Variants in AKAP19 observed in about 807,000 individuals in gnomAD.
AKAP19 encodes small A-kinase anchoring protein.
At chr2:189,944,197 G>A in the AKAP19 span, among the ~76,000 whole-genome samples, 4 of 152,286 alleles carry the variant, frequency 2.6e-5, no homozygotes, top group East Asian at 1.9e-4. Context: ...CAATGCTGGA[G>A]CGGGGGCCTG....
chr2:190,086,477 A>G, the AKAP19 span, among the ~76,000 whole-genome samples: 1 of 152,242 alleles, frequency 6.6e-6, no homozygotes, highest in African/African-American at 2.4e-5. Context: ...CTCAAGGAAG[A>G]TGGGGAAAGA....
chr2:190,192,049 C>T, the AKAP19 span, among the ~76,000 whole-genome samples: 137 of 151,860 alleles, frequency 9.0e-4, no homozygotes, highest in African/African-American at 3.2e-3. Flanking sequence ...AACCCAAGAT[C>T]GCAAATGTTT....
chr2:189,888,441 T>C, the AKAP19 span, among the ~76,000 whole-genome samples: 14 of 152,186 alleles, frequency 9.2e-5, no homozygotes, highest in South Asian at 2.1e-4. Context: ...CAGGCTCTTT[T>C]TTGAAATTTA....
chr2:189,890,306 G>A, the AKAP19 span, among the ~76,000 whole-genome samples: 33 of 152,212 alleles, frequency 2.2e-4, no homozygotes, highest in Middle Eastern at 3.4e-3. Flanking sequence ...TATTATTTCT[G>A]TTCTTTTGCA....
At chr2:190,033,233 T>A in the AKAP19 span, among the ~76,000 whole-genome samples, 3 of 152,190 alleles carry the variant, frequency 2.0e-5, no homozygotes, top group Non-Finnish European at 4.4e-5. Flanking sequence ...TTATATATAC[T>A]CTAGTGTCTC....
chr2:190,034,404 TG>T, the AKAP19 span, among the ~76,000 whole-genome samples: 1 of 151,568 alleles, frequency 6.6e-6, no homozygotes, highest in Non-Finnish European at 1.5e-5. Flanking sequence ...GTATATATGT[TG>T]AAAAATAGCT....
At chr2:189,938,812 C>T in the AKAP19 span, among the ~76,000 whole-genome samples, 1 of 152,138 alleles carries the variant, frequency 6.6e-6, no homozygotes, top group Non-Finnish European at 1.5e-5. Context: ...TGTATCAAAA[C>T]ATCTCGTGTA....
the AKAP19 span, among the ~76,000 whole-genome samples, chr2:189,963,106 AC>A: frequency 6.6e-6 from 1 of 151,738 alleles, no homozygotes; most frequent in Non-Finnish European, 1.5e-5. Flanking sequence ...TCAAGTACCC[AC>A]TTTTTTGCTC....
At chr2:190,026,788 CACTGGCAT>C in the AKAP19 span, among the ~76,000 whole-genome samples, 1 of 152,090 alleles carries the variant, frequency 6.6e-6, no homozygotes, top group Admixed American at 6.6e-5. Context: ...GTATTGGGCA[CACTGGCAT>C]ACTGTTGTAC....
chr2:190,060,613 T>C, the AKAP19 span, among the ~76,000 whole-genome samples: 1 of 152,058 alleles, frequency 6.6e-6, no homozygotes, highest in South Asian at 2.1e-4. Context: ...ATAATTACCC[T>C]AGCTTTTCAG....
the AKAP19 span, chr2:190,079,878 T>C: frequency 6.7e-6 from 1 of 148,370 alleles, no homozygotes; most frequent in African/African-American, 2.6e-5. Context: ...TGTGTGTGTG[T>C]GTGTGTGTGT....
chr2:189,895,049 A>C, the AKAP19 span, among the ~76,000 whole-genome samples: 1 of 152,228 alleles, frequency 6.6e-6, no homozygotes, highest in East Asian at 1.9e-4. Context: ...AAAAACAAAA[A>C]AGTGACTTGA....
chr2:190,010,290 G>T, the AKAP19 span, among the ~76,000 whole-genome samples: 1 of 152,342 alleles, frequency 6.6e-6, no homozygotes, highest in Admixed American at 6.5e-5. Context: ...AAAACAATTT[G>T]TGGAATTTAT....
chr2:189,982,332 A>C, the AKAP19 span, among the ~76,000 whole-genome samples: 2 of 151,930 alleles, frequency 1.3e-5, no homozygotes, highest in African/African-American at 2.4e-5. Context: ...CTATTAGTGA[A>C]TTTTTCAATT....
chr2:190,038,283 T>C, the AKAP19 span, among the ~76,000 whole-genome samples: 9 of 152,258 alleles, frequency 5.9e-5, no homozygotes, highest in Admixed American at 2.6e-4. Context: ...CATCTAAACT[T>C]AGCAGCCAGT....
At chr2:190,012,446 CT>C in the AKAP19 span, among the ~76,000 whole-genome samples, 1 of 152,006 alleles carries the variant, frequency 6.6e-6, no homozygotes, top group Non-Finnish European at 1.5e-5. Context: ...TATAGAAATG[CT>C]ACTGATTTTT....
the AKAP19 span, among the ~76,000 whole-genome samples, chr2:189,956,177 C>CTTTCTTTT: frequency 6.5e-5 from 8 of 122,952 alleles, no homozygotes; most frequent in East Asian, 8.9e-4. Context: ...TCTTTTTTTT[C>CTTTCTTTT]TTTTTTTTTT....
At chr2:190,127,541 A>T in the AKAP19 span, among the ~76,000 whole-genome samples, 2 of 152,216 alleles carry the variant, frequency 1.3e-5, no homozygotes, top group African/African-American at 4.8e-5. Flanking sequence ...CAAAATAAAA[A>T]TATATGTGAA....
At chr2:190,019,848 T>C in the AKAP19 span, among the ~76,000 whole-genome samples, 42 of 152,284 alleles carry the variant, frequency 2.8e-4, no homozygotes, top group Non-Finnish European at 4.4e-4. Context: ...ACCCTTCTGA[T>C]GCCATTTTTC....
Sources: gnomAD v4.1 joint callset for allele counts (sites outside exome capture counted in the v4.1 genomes callset) on GRCh38, gnomAD v4.1.1 for gene constraint, MANE v1.5 for transcripts, NCBI Gene and HGNC (gene_info 2026-07-23, HGNC 2026-07-21) for gene names.